Variants in HECTD4 observed in about 807,000 individuals in gnomAD.
HECTD4 encodes probable E3 ubiquitin-protein ligase HECTD4.
Under a neutral mutation model 471.5 loss-of-function variants are expected in HECTD4, and 114 were observed. The observed-to-expected ratio is 0.24, with a 90% confidence interval of 0.21 to 0.28. The LOEUF (loss-of-function observed/expected upper bound fraction) is 0.28, where lower values mean the gene tolerates loss of function less well. Ranked by LOEUF, HECTD4 falls within the 10% of genes least tolerant of loss-of-function variation. The probability of loss-of-function intolerance (pLI) is 1.00; values close to 1 mark genes in which losing one functional copy is unlikely to be tolerated. For missense variants in HECTD4, 3,866 were observed against 5,651.5 expected (o/e 0.68, Z 10.13); for synonymous variants, 2,012 against 2,256.0 (o/e 0.89, Z 3.07).
intron 17 of HECTD4, among the ~76,000 whole-genome samples, chr12:112,263,391 TTC>T (rs1241783634): frequency 6.6e-6 from 1 of 152,170 alleles, no homozygotes; most frequent in Non-Finnish European, 1.5e-5. Flanking sequence ...TCTTGTAGAT[TTC>T]TCTGATTCTC....
intron 7 of HECTD4, chr12:112,302,577 C>T: frequency 3.0e-6 from 2 of 677,784 alleles, no homozygotes; most frequent in Non-Finnish European, 5.4e-6. Context: ...TTTTCTCAAA[C>T]AGGGAATTCA....
chr12:112,178,479 G>T lies in HECTD4; in HGVS notation c.11363+452C>A, dbSNP rs1300694990. On this transcript the variant is annotated intron_variant, in intron 64 of 75. Transcript: ENST00000682272. ...ATCTGACCACACTTGTGGATAAAAT[G>T]AAACTCTGATGTTCACCTGATGGAG... Among the ~76,000 whole-genome samples the T allele has an allele frequency of 2.0e-5, 3 of 152,220 alleles. 1 individual carries two copies. The highest frequency in any genetic ancestry group is 4.4e-5 in the Non-Finnish European group (3 of 68,040).
In HECTD4 at chr12:112,361,795, G is replaced by A. The variant is rs182767845; in HGVS notation, c.177+20157C>T. On this transcript the variant is annotated intron_variant, in intron 1 of 75. Coordinates refer to ENST00000682272, the MANE Select transcript of HECTD4 (RefSeq NM_001388303.1). ...ATACCATCCTCCTTTAAATCCCACA[G>A]GGCACAATATTCTGTATGGCCCTGA... Among the ~76,000 whole-genome samples the A allele has an allele frequency of 3.7e-4, 56 of 152,208 alleles. 1 individual carries two copies. Among genetic ancestry groups the A allele is most frequent in the African/African-American group, 1.3e-3 (55 of 41,532 alleles).
chr12:112,264,828 G>A (rs1186531733), intron 16 of HECTD4, among the ~76,000 whole-genome samples: 2 of 152,094 alleles, frequency 1.3e-5, no homozygotes, highest in Non-Finnish European at 2.9e-5. Flanking sequence ...GCGGTGGCGC[G>A]ATCTCAGCTC....
In HECTD4 at chr12:112,228,001, G is replaced by T; in HGVS notation, c.6854+88C>A. 4 of 1,208,560 alleles carry T rather than the reference G, an allele frequency of 3.3e-6. No homozygotes were observed. Among genetic ancestry groups the T allele is most frequent in the Non-Finnish European group, 4.6e-6 (4 of 876,898 alleles). The allele number at this position is 1,208,560 out of a possible 1,614,324, so 74.9% of individuals were successfully genotyped here. A position where few individuals can be genotyped will look rare whatever the true frequency, so the allele number is the denominator to read the frequency against. On this transcript the variant is annotated intron_variant, in intron 43 of 75. Transcript: ENST00000682272. The surrounding 1 kb of genome is among the most constrained non-coding windows in gnomAD (Gnocchi z 4.9). ...GAGCTTCAAGCTGTGGATTCACTAA[G>T]TTGGGAGTGGAGGGGCCCACCAAGG...
rs538974491 is a variant in HECTD4, at chr12:112,213,691, A to T, written c.7466-1041T>A. On this transcript the variant is annotated intron_variant, in intron 48 of 75. Transcript: ENST00000682272. The surrounding 1 kb of genome is among the most constrained non-coding windows in gnomAD (Gnocchi z 4.0). ...ACAGAGCAAGACTCCGTCTCAAAAA[A>T]ATATATACATATATATATATATATA... 7.3e-6 allele frequency among the ~76,000 whole-genome samples: 1 copy of T among 137,038 alleles called. No individual in the cohort carries two copies. The highest frequency in any genetic ancestry group is 2.9e-5 in the African/African-American group (1 of 34,794). 89.9% of individuals were successfully genotyped at this position (137,038 alleles called of 152,430 possible).
intron 55 of HECTD4, among the ~76,000 whole-genome samples, chr12:112,199,499 T>C (rs959365521): frequency 2.0e-5 from 3 of 152,150 alleles, no homozygotes; most frequent in African/African-American, 7.2e-5. Context: ...TCATGAGAAA[T>C]TGTGATGGCT....
At chr12:112,260,629 T>A (rs994083107) in intron 18 of HECTD4, among the ~76,000 whole-genome samples, 5 of 150,992 alleles carry the variant, frequency 3.3e-5, no homozygotes, top group Non-Finnish European at 7.4e-5. Flanking sequence ...CAGGCTGGAG[T>A]GCAGTGGGAT....
At chr12:112,357,808 T>C (rs1280899929) in intron 1 of HECTD4, among the ~76,000 whole-genome samples, 1 of 152,242 alleles carries the variant, frequency 6.6e-6, no homozygotes. Context: ...ATGGTATGAA[T>C]GGCATTAATC....
chr12:112,229,911 G>A, intron 40 of HECTD4, 31 bp from the exon 41 acceptor site: 1 of 1,576,888 alleles, frequency 6.3e-7, no homozygotes, highest in Non-Finnish European at 8.6e-7. Context: ...TGCACTAGGA[G>A]TTAAAGCTTT....
chr12:112,252,306 G>A (rs1038515523), intron 23 of HECTD4, 118 bp downstream of exon 23: 1 of 1,041,162 alleles, frequency 9.6e-7, no homozygotes, highest in Non-Finnish European at 1.3e-6. Flanking sequence ...CCAACTAGAA[G>A]AGAAAGATGA....
intron 1 of HECTD4, among the ~76,000 whole-genome samples, chr12:112,355,410 G>A: frequency 6.6e-6 from 1 of 151,262 alleles, no homozygotes; most frequent in Non-Finnish European, 1.5e-5. Context: ...GCAGTAGGCT[G>A]ATACCGCGCC....
rs1405353339 is a variant in HECTD4 at position 112,228,381 on chromosome 12, T to C, written c.6685-123A>G. 4.8e-6 allele frequency: 5 copies of C among 1,047,334 alleles called. No individual in the cohort carries two copies. In the African/African-American group the frequency reaches 8.3e-5, roughly 17 times the overall value. The allele number at this position is 1,047,334 out of a possible 1,614,324, so 64.9% of individuals were successfully genotyped here. A position where few individuals can be genotyped will look rare whatever the true frequency, so the allele number is the denominator to read the frequency against. On this transcript the variant is annotated intron_variant, in intron 42 of 75. Coordinates refer to ENST00000682272, the MANE Select transcript of HECTD4 (RefSeq NM_001388303.1). This position sits in a 1 kb window ranked among gnomAD's most constrained non-coding sequence, Gnocchi z 4.9. ...TTCAGTTAAAAAAATAAAATCACCATACAGAAAACTACAAACCACATCAAA... is the reference window on the plus strand; with the variant it reads ...TTCAGTTAAAAAAATAAAATCACCACACAGAAAACTACAAACCACATCAAA...
At chr12:112,288,201 A>C (rs554681154) in intron 7 of HECTD4, among the ~76,000 whole-genome samples, 1 of 151,600 alleles carries the variant, frequency 6.6e-6, no homozygotes, top group Non-Finnish European at 1.5e-5. Flanking sequence ...GGTGGTATGC[A>C]CCTGTAATTC....
Position 112,183,225 on chromosome 12 carries a change from T to C in HECTD4, c.10821A>G (p.Leu3607=). The change falls in exon 62 of 76, where the codon TTA becomes TTG. Residue 3607 remains leucine, a synonymous_variant. Coordinates refer to ENST00000682272, the MANE Select transcript of HECTD4 (RefSeq NM_001388303.1). ...RAKIEKIRAS[L]FNNNDLIGLS... is the part of the protein sequence containing the mutation. ...AACCAATCAAGTCATTATTGTTAAATAAACTTGCTCGAATTTTCTCAATTT... is the reference window on the plus strand; with the variant it reads ...AACCAATCAAGTCATTATTGTTAAACAAACTTGCTCGAATTTTCTCAATTT... The C allele has an allele frequency of 6.2e-7, 1 of 1,613,976 alleles. No homozygotes were observed. Among genetic ancestry groups the C allele is most frequent in the Non-Finnish European group, 8.5e-7 (1 of 1,179,906 alleles).
chr12:112,233,214 CTTTTTTTTTTTTTT>C (rs546999938), intron 37 of HECTD4, 129 bp from the exon 38 acceptor site: 8 of 235,704 alleles, frequency 3.4e-5, no homozygotes, highest in Non-Finnish European at 3.9e-5. Flanking sequence ...CTAACATTAG[CTTTTTTTTTTTTTT>C]TTTTTTTTTT....
At chr12:112,208,690 C>T in intron 50 of HECTD4, 60 bp from the exon 51 acceptor site, 1 of 1,465,982 alleles carries the variant, frequency 6.8e-7, no homozygotes, top group Non-Finnish European at 9.1e-7. Flanking sequence ...AAATCCTTAA[C>T]TTCTCACCCT....
intron 44 of HECTD4, among the ~76,000 whole-genome samples, chr12:112,225,439 T>C (rs1222016734): frequency 6.6e-6 from 1 of 152,030 alleles, no homozygotes; most frequent in Non-Finnish European, 1.5e-5. Flanking sequence ...GTTAATTGAA[T>C]TGTGAACAAT....
intron 12 of HECTD4, 125 bp from the exon 13 acceptor site, chr12:112,269,974 A>G (rs1438892070): frequency 1.2e-6 from 1 of 822,700 alleles, no homozygotes. Flanking sequence ...TTTAACCACA[A>G]TCTCTTCTAC....
Sources: allele counts gnomAD v4.1 joint callset (sites outside exome capture counted in the v4.1 genomes callset), GRCh38; gene constraint gnomAD v4.1.1; non-coding constraint Gnocchi (gnomAD v3.1); transcripts MANE v1.5; gene names NCBI Gene and HGNC (gene_info 2026-07-23, HGNC 2026-07-21).